Variants in CTSV observed in about 807,000 individuals in gnomAD.
CTSV encodes cathepsin L2.
CTSV carries 33 observed loss-of-function variants against 35.6 expected under a neutral mutation model. The observed-to-expected ratio is 0.93, with a 90% CI of 0.70 to 1.24. CTSV has a LOEUF of 1.24. Ranked by LOEUF, CTSV falls within the 50% of genes most tolerant of loss-of-function variation. The pLI, the probability that CTSV is intolerant of heterozygous loss-of-function variation, is 0.00. For synonymous variants in CTSV, 154 were observed against 147.1 expected, an observed-to-expected ratio of 1.05 and a Z score of -0.34; for missense variants, 408 against 413.1, an observed-to-expected ratio of 0.99 and a Z score of 0.11.
chr9:97,036,796 T>G, intron 4 of CTSV, 49 bp from the exon 5 acceptor site: 1 of 1,386,548 alleles, frequency 7.2e-7, no homozygotes, highest in Non-Finnish European at 9.8e-7. Context: ...CCAATACAAA[T>G]ACAGTACCCC....
chr9:97,036,871 G>A (rs563302211), intron 4 of CTSV, 124 bp from the exon 5 acceptor site: 32 of 862,092 alleles, frequency 3.7e-5, no homozygotes, highest in Admixed American at 1.0e-4. Flanking sequence ...TTGGGAGGCC[G>A]AGGCGGGCAG....
At position 97,036,589 on chromosome 9, in the gene CTSV, C is replaced by A; in HGVS notation, c.555G>T (p.Arg185Ser). 6.2e-7 allele frequency: 1 copy of A among 1,613,974 alleles called. No homozygotes were observed. Among genetic ancestry groups the A allele is most frequent in the Non-Finnish European group, 8.5e-7 (1 of 1,180,008 alleles). The change falls in exon 5 of 8, where the codon AGG (arginine) becomes AGT (serine). Residue 185 changes from arginine to serine, a missense_variant. Transcript: ENST00000259470. ...NQGCNGGFMA[R>S]AFQYVKENGG... Reference sequence around the variant, plus strand: ...CGTTCTCCTTGACATACTGGAAGGCCCTAGCCATGAAGCCACCATTGCAGC... The same window carrying A: ...CGTTCTCCTTGACATACTGGAAGGCACTAGCCATGAAGCCACCATTGCAGC...
Position 97,036,687 on chromosome 9 carries a change from G to A in CTSV, c.457C>T (p.Arg153Trp), listed in dbSNP as rs138352309. 4.3e-4 allele frequency: 686 copies of A among 1,613,772 alleles called. 1 individual carries two copies. In the African/African-American group the frequency reaches 7.4e-3, roughly 17 times the overall value. The change falls in exon 5 of 8, where the codon CGG becomes TGG. Residue 153 changes from arginine to tryptophan, a missense_variant. Physicochemically the swap from Arg to Trp is moderately radical, Grantham distance 101. Coordinates refer to ENST00000259470, the MANE Select transcript of CTSV (RefSeq NM_001333.4). ...ATGALEGQMF[R>W]KTGKLVSLSE... The stretch of plus-strand genomic sequence containing the variant: ...AGTGAGACAAGTTTCCCAGTTTTCC[G>A]GAACATCTGTCCTTCAAGAGCACCA...
Position 97,032,414 on chromosome 9 carries a change from A to T in CTSV, c.*535T>A, listed in dbSNP as rs1587732358. On this transcript the variant is annotated 3_prime_UTR_variant, in exon 8 of 8. Transcript: ENST00000259470. ...GAGACTCCGTCTCATAAAAAAAAAA[A>T]ATGTAGGTTTGTCCTTCCAAATTGT... 2 of 152,396 alleles carry T rather than the reference A, an allele frequency of 1.3e-5. No homozygotes were observed. The highest frequency in any genetic ancestry group is 2.9e-5 in the Non-Finnish European group (2 of 68,114). 9.4% of individuals were successfully genotyped at this position (152,396 alleles called of 1,614,324 possible).
Position 97,036,694 on chromosome 9 carries a change from C to G in CTSV, c.450G>C (p.Gln150His), listed in dbSNP as rs762930584. The G allele has an allele frequency of 1.2e-6, 2 of 1,614,020 alleles. No individual in the cohort carries two copies. The highest frequency in any genetic ancestry group is 1.1e-5 in the South Asian group (1 of 91,068). ...AFSATGALEG[Q>H]MFRKTGKLVS... Reference sequence around the variant, plus strand: ...CAAGTTTCCCAGTTTTCCGGAACATCTGTCCTTCAAGAGCACCAGTCGCAC... The same window carrying G: ...CAAGTTTCCCAGTTTTCCGGAACATGTGTCCTTCAAGAGCACCAGTCGCAC... Residue 150 changes from glutamine to histidine, a missense_variant, in exon 5 of 8, where the codon CAG becomes CAC. Physicochemically the swap from Gln to His is conservative, Grantham distance 24. Transcript: ENST00000259470.
Position 97,032,936 on chromosome 9 carries a change from AC to A in CTSV, c.*12del, listed in dbSNP as rs1384810385. On this transcript the variant is annotated 3_prime_UTR_variant, in exon 8 of 8. Transcript: ENST00000259470. ...TGCTGTCCTTAAGTCCTTCCTCCTC[AC>A]CATCCATCAGCTCACACATTGGGGT... 1.3e-6 allele frequency: 2 copies of A among 1,595,356 alleles called. No homozygotes were observed. The highest frequency in any genetic ancestry group is 2.7e-5 in the African/African-American group (2 of 74,202).
intron 5 of CTSV, among the ~76,000 whole-genome samples, chr9:97,036,032 G>C (rs1828842302): frequency 1.3e-5 from 2 of 151,976 alleles, no homozygotes; most frequent in African/African-American, 2.4e-5. Flanking sequence ...GTAACCATTA[G>C]CTGTTGACCA....
At chr9:97,037,042 G>C (rs999370502) in intron 4 of CTSV, among the ~76,000 whole-genome samples, 1 of 152,106 alleles carries the variant, frequency 6.6e-6, no homozygotes, top group Non-Finnish European at 1.5e-5. Flanking sequence ...AGGAGGCAGA[G>C]GTTGCAGTGA....
At chr9:97,036,889 G>C (rs916289317) in intron 4 of CTSV, 142 bp from the exon 5 acceptor site, 3 of 757,308 alleles carry the variant, frequency 4.0e-6, no homozygotes, top group Admixed American at 6.9e-5. Flanking sequence ...CAGATCACTT[G>C]AGGAGAGGAG....
At chr9:97,039,322 T>C (rs2119240051), upstream of CTSV, 1 of 152,652 alleles carries the variant, frequency 6.6e-6, no homozygotes. Context: ...CAATACACCC[T>C]GGCTGCGGGA....
chr9:97,038,849 C>A (rs568994649), intron 1 of CTSV, among the ~76,000 whole-genome samples: 4 of 152,296 alleles, frequency 2.6e-5, no homozygotes, highest in Admixed American at 2.0e-4. Context: ...CGGCTTCAGC[C>A]CACAGGATGA....
chr9:97,036,144 C>T (rs1364542256), intron 5 of CTSV, among the ~76,000 whole-genome samples: 1 of 151,380 alleles, frequency 6.6e-6, no homozygotes, highest in Non-Finnish European at 1.5e-5. Flanking sequence ...GATCTTGGCT[C>T]ACTGCAAGCT....
At chr9:97,035,410 T>C (rs561833852) in intron 6 of CTSV, 118 bp downstream of exon 6, 5 of 733,784 alleles carry the variant, frequency 6.8e-6, no homozygotes, top group Non-Finnish European at 9.8e-6. Context: ...AACATCACTA[T>C]GTTAAATGCT....
chr9:97,036,870 C>T lies in CTSV; in HGVS notation c.397-123G>A, dbSNP rs1828861894. ...AACCCATCGCCACACTTTGGGAGGC[C>T]GAGGCGGGCAGATCACTTGAGGAGA... On this transcript the variant is annotated intron_variant, in intron 4 of 7. Transcript: ENST00000259470. 6 of 901,448 alleles carry T rather than the reference C, an allele frequency of 6.7e-6. No individual in the cohort carries two copies. In the South Asian group the frequency reaches 8.5e-5, roughly 13 times the overall value. The allele number at this position is 901,448 out of a possible 1,614,324, so 55.8% of individuals were successfully genotyped here. A position where few individuals can be genotyped will look rare whatever the true frequency, so the allele number is the denominator to read the frequency against.
chr9:97,035,606 T>G lies in CTSV; in HGVS notation c.709A>C (p.Met237Leu). Residue 237 changes from methionine (M) to leucine (L), a missense_variant, in exon 6 of 8, where the codon ATG (methionine) becomes CTG (leucine). Physicochemically the swap from Met to Leu is conservative, Grantham distance 15 (BLOSUM62 2). Transcript: ENST00000259470. ...VVAPGKEKAL[M>L]KAVATVGPIS... ...GGCCCCACAGTTGCGACTGCTTTCA[T>G]CAGGGCCTTCTCCTTTCCAGGTGCG... is the stretch of plus-strand genomic sequence containing the variant. 1 of 1,607,080 alleles carries G rather than the reference T, an allele frequency of 6.2e-7. No homozygotes were observed.
chr9:97,038,178 T>C, intron 1 of CTSV, 125 bp from the exon 2 acceptor site: 4 of 1,062,298 alleles, frequency 3.8e-6, no homozygotes, highest in Non-Finnish European at 5.2e-6. Flanking sequence ...TGGAAGAGGC[T>C]GAAACAGGCC....
rs1174725954 is a variant in CTSV at position 97,031,615 on chromosome 9, A to G, written c.*1334T>C. The G allele has an allele frequency of 6.6e-6, 1 of 152,216 alleles. No homozygotes were observed. The highest frequency in any genetic ancestry group is 1.5e-5 in the Non-Finnish European group (1 of 68,036). The allele number at this position is 152,216 out of a possible 1,614,324, so 9.4% of individuals were successfully genotyped here. On this transcript the variant is annotated 3_prime_UTR_variant, in exon 8 of 8. Transcript: ENST00000259470. The stretch of plus-strand genomic sequence containing the variant: ...CAAAAATATCGTTTTATTTGTATTT[A>G]CTACCTGTGTAACTATATGCTTAGC...
In CTSV at chr9:97,037,888, T is replaced by A. The variant is rs766246700; in HGVS notation, c.126+30A>T. On this transcript the variant is annotated intron_variant, in intron 2 of 7. Coordinates refer to ENST00000259470, the MANE Select transcript of CTSV (RefSeq NM_001333.4). ...ACAGCGAGGACCATTCTCTCCAGAG[T>A]CCCTCTGGACAGTTTCAGATGTTAC... 13 of 1,607,028 alleles carry A rather than the reference T, an allele frequency of 8.1e-6. No individual in the cohort carries two copies. In the South Asian group the frequency reaches 1.3e-4, roughly 16 times the overall value.
chr9:97,036,845 A>AAC, intron 4 of CTSV, 98 bp from the exon 5 acceptor site: 1 of 1,172,838 alleles, frequency 8.5e-7, no homozygotes, highest in Non-Finnish European at 1.2e-6. Context: ...AAAAAAAAAA[A>AAC]ACCCATCGCC....
Sources: allele counts gnomAD v4.1 joint callset (sites outside exome capture counted in the v4.1 genomes callset), GRCh38; gene constraint gnomAD v4.1.1; transcripts MANE v1.5; gene names NCBI Gene and HGNC (gene_info 2026-07-23, HGNC 2026-07-21).